Variants in LRP1B observed in about 807,000 individuals in gnomAD.
LRP1B encodes the protein low-density lipoprotein receptor-related protein 1B.
In LRP1B, 217 loss-of-function variants were observed where a neutral mutation model predicts 556.6. The observed-to-expected ratio is 0.39, with a 90% CI of 0.35 to 0.44. LRP1B has a LOEUF of 0.44. Among genes scored for constraint, LRP1B ranks in the 20% least tolerant of loss-of-function variants. The pLI is 1.00. For missense variants in LRP1B, 5,053 were observed against 5,620.8 expected, an observed-to-expected ratio of 0.90 and a Z score of 3.23; for synonymous variants, 2,047 against 1,865.8, an observed-to-expected ratio of 1.10 and a Z score of -2.50.
intron 25 of LRP1B, among the ~76,000 whole-genome samples, chr2:140,870,286 T>C (rs1045415494): frequency 3.3e-5 from 5 of 152,150 alleles, no homozygotes; most frequent in African/African-American, 1.2e-4. Flanking sequence ...TTCTGGAAAT[T>C]ATAGCCACCC....
At chr2:140,397,527 G>A (rs1005632870) in intron 66 of LRP1B, among the ~76,000 whole-genome samples, 6 of 152,058 alleles carry the variant, frequency 3.9e-5, no homozygotes, top group Non-Finnish European at 8.8e-5. Context: ...GAAACAAATT[G>A]CCCATAGTCA....
intron 63 of LRP1B, among the ~76,000 whole-genome samples, chr2:140,448,715 T>C (rs1001477893): frequency 6.6e-6 from 1 of 152,088 alleles, no homozygotes; most frequent in Non-Finnish European, 1.5e-5. Flanking sequence ...TTAAAAGTAA[T>C]ATATTGCACA....
At chr2:141,090,094 C>T (rs969557809) in intron 7 of LRP1B, among the ~76,000 whole-genome samples, 1 of 152,146 alleles carries the variant, frequency 6.6e-6, no homozygotes, top group Non-Finnish European at 1.5e-5. Context: ...TCAGGGCCAG[C>T]AGGACATACT....
At chr2:140,364,367 C>A (rs1573849066) in intron 72 of LRP1B, among the ~76,000 whole-genome samples, 1 of 151,550 alleles carries the variant, frequency 6.6e-6, no homozygotes, top group Non-Finnish European at 1.5e-5. Context: ...TTATATGAAT[C>A]TTATTCAATT....
intron 11 of LRP1B, among the ~76,000 whole-genome samples, chr2:141,023,882 A>G (rs779445436): frequency 1.9e-4 from 29 of 152,042 alleles, no homozygotes; most frequent in Non-Finnish European, 4.0e-4. Flanking sequence ...TATCCTTAGC[A>G]TGAACATTAT....
chr2:141,379,145 A>C (rs1015944797), intron 3 of LRP1B, among the ~76,000 whole-genome samples: 1 of 152,186 alleles, frequency 6.6e-6, no homozygotes, highest in Non-Finnish European at 1.5e-5. Context: ...TGTATAAAGG[A>C]TCTCAATGAG....
chr2:140,971,487 A>C (rs1045450828), intron 18 of LRP1B, among the ~76,000 whole-genome samples: 4 of 152,184 alleles, frequency 2.6e-5, no homozygotes, highest in Admixed American at 6.5e-5. Context: ...GCCCTAAAAA[A>C]TTCTAATTGG....
intron 2 of LRP1B, among the ~76,000 whole-genome samples, chr2:141,771,858 G>A (rs192668163): frequency 6.6e-6 from 1 of 152,120 alleles, no homozygotes; most frequent in East Asian, 1.9e-4. Context: ...TGCTCTTGTT[G>A]CCCAGGCTGG....
At chr2:141,889,594 C>T (rs567970426) in intron 1 of LRP1B, among the ~76,000 whole-genome samples, 1 of 152,126 alleles carries the variant, frequency 6.6e-6, no homozygotes, top group Non-Finnish European at 1.5e-5. Flanking sequence ...TTGTAAGTTA[C>T]TAAAGAGCAT....
intron 84 of LRP1B, among the ~76,000 whole-genome samples, chr2:140,291,318 A>ATATATATT (rs369391920): frequency 1.8e-5 from 2 of 109,334 alleles, no homozygotes; most frequent in Non-Finnish European, 4.0e-5. Flanking sequence ...ATATATATAT[A>ATATATATT]TTTTTATTAT....
At chr2:141,063,764 T>G (rs1484526090) in intron 7 of LRP1B, among the ~76,000 whole-genome samples, 1 of 151,966 alleles carries the variant, frequency 6.6e-6, no homozygotes, top group Admixed American at 6.6e-5. Flanking sequence ...CAGTCTTCAC[T>G]ATTCTTGCTA....
At chr2:141,533,142 T>C (rs927233141) in intron 2 of LRP1B, among the ~76,000 whole-genome samples, 2 of 152,170 alleles carry the variant, frequency 1.3e-5, no homozygotes, top group Admixed American at 6.5e-5. Context: ...AGACGGTAAA[T>C]GTAGATTAAC....
chr2:142,105,526 A>T (rs1706716170), intron 1 of LRP1B, among the ~76,000 whole-genome samples: 1 of 152,134 alleles, frequency 6.6e-6, no homozygotes, highest in South Asian at 2.1e-4. Flanking sequence ...ACTATTTTCT[A>T]TGGAATTTTC....
intron 64 of LRP1B, 21 bp downstream of exon 64, chr2:140,444,542 G>A (rs1259787618): frequency 6.2e-7 from 1 of 1,611,286 alleles, no homozygotes; most frequent in East Asian, 2.2e-5. Flanking sequence ...ATGTTCATTA[G>A]TTAGGAATTT....
At chr2:140,430,001 C>A (rs1320076428) in intron 66 of LRP1B, among the ~76,000 whole-genome samples, 4 of 152,174 alleles carry the variant, frequency 2.6e-5, no homozygotes, top group Admixed American at 6.5e-5. Flanking sequence ...CGGCCTCCCT[C>A]ATTATTCCTG....
At chr2:140,319,865 T>C (rs1313238043) in intron 82 of LRP1B, among the ~76,000 whole-genome samples, 1 of 152,154 alleles carries the variant, frequency 6.6e-6, no homozygotes, top group African/African-American at 2.4e-5. Flanking sequence ...AGTGCCATGA[T>C]GGCATCCCTT....
At chr2:141,326,584 A>G (rs970987805) in intron 3 of LRP1B, among the ~76,000 whole-genome samples, 3 of 152,118 alleles carry the variant, frequency 2.0e-5, no homozygotes, top group Non-Finnish European at 4.4e-5. Context: ...ACCGATGAAG[A>G]CTTTGTCCCC....
At chr2:140,714,613 C>T (rs539400453) in intron 37 of LRP1B, among the ~76,000 whole-genome samples, 53 of 152,188 alleles carry the variant, frequency 3.5e-4, no homozygotes, top group African/African-American at 1.3e-3. Context: ...CAAATAAATT[C>T]TTTATTAGAA....
intron 1 of LRP1B, among the ~76,000 whole-genome samples, chr2:142,063,519 C>T (rs991853347): frequency 2.0e-5 from 3 of 151,648 alleles, no homozygotes; most frequent in Non-Finnish European, 4.4e-5. Context: ...ATGTCTGCCT[C>T]TACTGGCTTT....
Sources: gnomAD v4.1 joint callset for allele counts (sites outside exome capture counted in the v4.1 genomes callset) on GRCh38, gnomAD v4.1.1 for gene constraint, MANE v1.5 for transcripts, NCBI Gene and HGNC (gene_info 2026-07-23, HGNC 2026-07-21) for gene names.